The following TRPM1 variants were observed in gnomAD, a reference collection of about 807,000 sequenced individuals.
TRPM1 encodes the protein transient receptor potential cation channel subfamily M member 1.
In TRPM1, 113 loss-of-function variants were observed where a neutral mutation model predicts 149.4. The observed-to-expected ratio is 0.76, with a 90% CI of 0.65 to 0.88. The LOEUF is 0.88. Ranked by LOEUF, TRPM1 falls within the 40% of genes least tolerant of loss-of-function variation. The pLI is 0.00. For missense variants in TRPM1, 1,976 were observed against 2,038.7 expected, an observed-to-expected ratio of 0.97 and a Z score of 0.59; for synonymous variants, 741 against 759.5, an observed-to-expected ratio of 0.98 and a Z score of 0.40.
chr15:31,041,759 AAAC>A (rs1271342142), intron 17 of TRPM1, among the ~76,000 whole-genome samples, 189 bp downstream of exon 17: 1 of 152,260 alleles, frequency 6.6e-6, no homozygotes, highest in Non-Finnish European at 1.5e-5. Context: ...CAGTACACAA[AAAC>A]AACGACAGTC....
chr15:31,057,743 C>A (rs1193611876), intron 11 of TRPM1, among the ~76,000 whole-genome samples: 3 of 152,088 alleles, frequency 2.0e-5, no homozygotes, highest in Non-Finnish European at 2.9e-5. Context: ...TGTGTCCCAC[C>A]CAAATCTCAT....
At position 31,003,021 on chromosome 15, in the gene TRPM1, A is replaced by C; in HGVS notation, c.3679T>G (p.Phe1227Val). 3.1e-6 allele frequency: 5 copies of C among 1,597,522 alleles called. No homozygotes were observed. The highest frequency in any genetic ancestry group is 2.2e-5 in the East Asian group (1 of 44,788). The change falls in exon 28 of 28, where the codon TTT (phenylalanine) becomes GTT (valine). Residue 1227 changes from phenylalanine to valine, a missense_variant. Physicochemically the swap from Phe to Val is conservative, Grantham distance 50 (BLOSUM62 -1). Around this residue, in one of 3 missense-constraint regions of TRPM1, gnomAD observed 572 missense variants for 578.9 expected, o/e 0.99. Transcript: ENST00000256552. ...ACAGTCTGCAGGGAAGTTTTCATAA[A>C]AGTTTCTCTTTCATTGATTTCTTCC... The part of the protein sequence containing the change: ...RLEEINERET[F>V]MKTSLQTVDL...
chr15:31,106,843 A>G (rs1000300593), intron 1 of TRPM1, among the ~76,000 whole-genome samples: 1 of 152,200 alleles, frequency 6.6e-6, no homozygotes, highest in Admixed American at 6.5e-5. Flanking sequence ...ATTTGCTTAT[A>G]TTGCAAAACT....
chr15:31,100,857 G>C (rs1469666330), intron 1 of TRPM1, among the ~76,000 whole-genome samples: 1 of 152,208 alleles, frequency 6.6e-6, no homozygotes, highest in Admixed American at 6.5e-5. Flanking sequence ...GTTGTTTGCT[G>C]TGCTTCCCGG....
chr15:31,087,413 C>T (rs554038394), intron 1 of TRPM1, among the ~76,000 whole-genome samples: 3 of 151,346 alleles, frequency 2.0e-5, no homozygotes, highest in South Asian at 2.1e-4. Context: ...CACCACGCCC[C>T]GCTAATTTTT....
intron 27 of TRPM1, among the ~76,000 whole-genome samples, chr15:31,008,974 T>G (rs2032089918): frequency 6.6e-6 from 1 of 152,236 alleles, no homozygotes; most frequent in African/African-American, 2.4e-5. Context: ...CTCATCTTTA[T>G]GTTTATCAAC....
intron 1 of TRPM1, among the ~76,000 whole-genome samples, chr15:31,126,650 G>T (rs1325972725): frequency 1.3e-5 from 2 of 152,158 alleles, no homozygotes; most frequent in Non-Finnish European, 2.9e-5. Context: ...GAAATGGCTT[G>T]CTTTTCAAAG....
chr15:31,157,929 G>T (rs1047155524), intron 1 of TRPM1, among the ~76,000 whole-genome samples: 1 of 152,098 alleles, frequency 6.6e-6, no homozygotes, highest in Non-Finnish European at 1.5e-5. Context: ...CGGTGCAGAG[G>T]GGTGCTGCTT....
At chr15:31,091,576 G>C (rs1596063776) in intron 1 of TRPM1, among the ~76,000 whole-genome samples, 2 of 152,176 alleles carry the variant, frequency 1.3e-5, no homozygotes, top group African/African-American at 4.8e-5. Flanking sequence ...GAGCAGCAGG[G>C]GTTGTTCCTG....
intron 1 of TRPM1, among the ~76,000 whole-genome samples, chr15:31,154,897 C>T (rs1392034946): frequency 6.6e-6 from 1 of 152,012 alleles, no homozygotes; most frequent in East Asian, 1.9e-4. Context: ...TCATCCTTGA[C>T]CAATCAGTAC....
intron 1 of TRPM1, among the ~76,000 whole-genome samples, chr15:31,141,114 G>A (rs1044096195): frequency 2.0e-5 from 3 of 151,980 alleles, no homozygotes; most frequent in South Asian, 2.1e-4. Flanking sequence ...TTACAGGCAT[G>A]AGCCACCATA....
At chr15:31,129,035 G>A (rs2035986178) in intron 1 of TRPM1, among the ~76,000 whole-genome samples, 1 of 152,234 alleles carries the variant, frequency 6.6e-6, no homozygotes, top group African/African-American at 2.4e-5. Context: ...GGAGCTTGCA[G>A]GAGGGGAAAG....
chr15:31,008,240 G>C (rs1279221560), intron 27 of TRPM1, among the ~76,000 whole-genome samples: 1 of 152,172 alleles, frequency 6.6e-6, no homozygotes, highest in African/African-American at 2.4e-5. Flanking sequence ...TGTTGAAGTG[G>C]TGAGAGTGGC....
At chr15:31,051,847 C>T (rs2033955867) in intron 11 of TRPM1, among the ~76,000 whole-genome samples, 1 of 152,164 alleles carries the variant, frequency 6.6e-6, no homozygotes, top group Non-Finnish European at 1.5e-5. Context: ...ACTCTCAGGA[C>T]CTACCCTCCG....
chr15:31,109,333 C>CAAAAAA (rs36072024), intron 1 of TRPM1, among the ~76,000 whole-genome samples: 63 of 32,294 alleles, frequency 2.0e-3, no homozygotes, highest in Non-Finnish European at 2.8e-3. Context: ...GACTCTGCCT[C>CAAAAAA]AAAAAAAAAA....
chr15:31,023,288 G>A (rs970982847), intron 27 of TRPM1, among the ~76,000 whole-genome samples: 16 of 152,268 alleles, frequency 1.1e-4, no homozygotes, highest in African/African-American at 3.4e-4. Context: ...CCCTGTGGCA[G>A]GAAGGAAGCA....
intron 13 of TRPM1, 66 bp downstream of exon 13, chr15:31,049,309 T>C: frequency 6.2e-7 from 1 of 1,610,618 alleles, no homozygotes; most frequent in Non-Finnish European, 8.5e-7. Context: ...ATGCACAATA[T>C]GCACCAGTGA....
chr15:31,104,164 G>T (rs574500145), upstream of TRPM1, among the ~76,000 whole-genome samples: 1 of 152,270 alleles, frequency 6.6e-6, no homozygotes, highest in East Asian at 1.9e-4. Context: ...CGGGGGTGCA[G>T]TCCTTCTCCT....
chr15:31,145,824 G>T (rs532231842), intron 1 of TRPM1, among the ~76,000 whole-genome samples: 11 of 151,734 alleles, frequency 7.2e-5, no homozygotes, highest in African/African-American at 2.4e-4. Context: ...TGGTTATAGG[G>T]TTGTCTAGTC....
Sources: gnomAD v4.1 joint callset for allele counts (sites outside exome capture counted in the v4.1 genomes callset) on GRCh38, gnomAD v4.1.1 for gene constraint, gnomAD v4.1.1 regional missense constraint, MANE v1.5 for transcripts, NCBI Gene and HGNC (gene_info 2026-07-23, HGNC 2026-07-21) for gene names.